The following PLAG1 variants were observed in gnomAD, a reference collection of about 807,000 sequenced individuals.
PLAG1 encodes zinc finger protein PLAG1.
PLAG1 carries 7 observed loss-of-function variants against 35.5 expected under a neutral mutation model. That is an observed-to-expected ratio of 0.20 (90% CI 0.11 to 0.37). The LOEUF (loss-of-function observed/expected upper bound fraction) is 0.37. Ranked by LOEUF, PLAG1 falls within the 10% of genes least tolerant of loss-of-function variation. The probability of loss-of-function intolerance (pLI) is 1.00; values close to 1 mark genes in which losing one functional copy is unlikely to be tolerated. For missense variants in PLAG1, 454 were observed against 602.8 expected (o/e 0.75, Z 2.58); for synonymous variants, 229 against 225.4 (o/e 1.02, Z -0.14).
Position 56,166,000 on chromosome 8 carries a change from A to G in PLAG1, c.*243T>C, listed in dbSNP as rs1462840082. 3.6e-6 allele frequency: 1 copy of G among 280,396 alleles called. No individual in the cohort carries two copies. The highest frequency in any genetic ancestry group is 6.7e-6 in the Non-Finnish European group (1 of 150,000). 17.4% of individuals were successfully genotyped at this position (280,396 alleles called of 1,614,324 possible). A position where few individuals can be genotyped will look rare whatever the true frequency, so the allele number is the denominator to read the frequency against. On this transcript the variant is annotated 3_prime_UTR_variant, in exon 5 of 5. Coordinates refer to ENST00000316981, the MANE Select transcript of PLAG1 (RefSeq NM_002655.3). Reference sequence around the variant, plus strand: ...ATGGCTTTCCTATATGGAAAAAAAAAAGTCTTAAAATGTGACAATTGGCAG... The same window carrying G: ...ATGGCTTTCCTATATGGAAAAAAAAGAGTCTTAAAATGTGACAATTGGCAG...
intron 1 of PLAG1, among the ~76,000 whole-genome samples, chr8:56,183,749 C>T (rs1811939249): frequency 6.6e-6 from 1 of 151,076 alleles, no homozygotes; most frequent in Admixed American, 6.6e-5. Context: ...GTTTTTTTAA[C>T]AAATGCTGCT....
chr8:56,210,057 T>C (rs931007934), intron 1 of PLAG1, among the ~76,000 whole-genome samples: 9 of 151,966 alleles, frequency 5.9e-5, no homozygotes, highest in African/African-American at 1.9e-4. Context: ...CACTACCACC[T>C]CCCCCCTCGC....
At position 56,164,142 on chromosome 8, in the gene PLAG1, T is replaced by C. The variant is rs1811285511; in HGVS notation, c.*2101A>G. 1 of 187,682 alleles carries C rather than the reference T, an allele frequency of 5.3e-6. No homozygotes were observed. Among genetic ancestry groups the C allele is most frequent in the Non-Finnish European group, 1.1e-5 (1 of 88,698 alleles). The allele number at this position is 187,682 out of a possible 1,614,324, so 11.6% of individuals were successfully genotyped here. On this transcript the variant is annotated 3_prime_UTR_variant, in exon 5 of 5. Coordinates refer to ENST00000316981, the MANE Select transcript of PLAG1 (RefSeq NM_002655.3). Reference sequence around the variant, plus strand: ...GTACTTCCTTATTAACATATATAATTTTAATGCCTTTGGAACACACTTTTT... The same window carrying C: ...GTACTTCCTTATTAACATATATAATCTTAATGCCTTTGGAACACACTTTTT...
At chr8:56,175,246 T>G (rs1811650343) in intron 2 of PLAG1, among the ~76,000 whole-genome samples, 1 of 152,200 alleles carries the variant, frequency 6.6e-6, no homozygotes, top group African/African-American at 2.4e-5. Context: ...AATCAACTAA[T>G]ACAAGTAGAT....
At chr8:56,206,021 A>G (rs1186436900) in intron 1 of PLAG1, among the ~76,000 whole-genome samples, 2 of 151,998 alleles carry the variant, frequency 1.3e-5, no homozygotes, top group African/African-American at 4.8e-5. Context: ...TACCTTTTTA[A>G]AAAAATAAGA....
Position 56,166,297 on chromosome 8 carries a change from G to A in PLAG1, c.1449C>T (p.Thr483=), listed in dbSNP as rs1563372060. Residue 483 remains threonine, a synonymous_variant, in exon 5 of 5, where the codon ACC becomes ACT. Coordinates refer to ENST00000316981, the MANE Select transcript of PLAG1 (RefSeq NM_002655.3). ...GGGTGGTACTTGTGCTTAAACTGCT[G>A]GTGAAAGCTGCTGACAGTGAGTGCA... ...GSLHSLSAAF[T]SSLSTSTTLP... 1 of 1,611,612 alleles carries A rather than the reference G, an allele frequency of 6.2e-7. No individual in the cohort carries two copies. Among genetic ancestry groups the A allele is most frequent in the African/African-American group, 1.3e-5 (1 of 74,752 alleles).
rs946620783 is a variant in PLAG1 at position 56,163,104 on chromosome 8, G to A, written c.*3139C>T. 2.4e-5 allele frequency: 5 copies of A among 208,970 alleles called. No individual in the cohort carries two copies. The highest frequency in any genetic ancestry group is 4.6e-5 in the African/African-American group (2 of 43,800). The allele number at this position is 208,970 out of a possible 1,614,324, so 12.9% of individuals were successfully genotyped here. On this transcript the variant is annotated 3_prime_UTR_variant, in exon 5 of 5. Coordinates refer to ENST00000316981, the MANE Select transcript of PLAG1 (RefSeq NM_002655.3). ...AAGATCCTTCCACACTCACACTTCC[G>A]TGTTTGGTGACCTAACTTGTACATA... is the stretch of plus-strand genomic sequence containing the variant.
chr8:56,190,543 G>C (rs949999693), intron 1 of PLAG1, among the ~76,000 whole-genome samples: 2 of 152,180 alleles, frequency 1.3e-5, no homozygotes, highest in Admixed American at 1.3e-4. Context: ...GGTGAGGAAG[G>C]AGTGCTGCAT....
At chr8:56,209,606 AG>A (rs1319529437) in intron 1 of PLAG1, 1 of 152,298 alleles carries the variant, frequency 6.6e-6, no homozygotes, top group Non-Finnish European at 1.5e-5. Context: ...ATGTGATGCA[AG>A]AGACATCATC....
rs1405590083 is a variant in PLAG1, at chr8:56,164,348, T to C, written c.*1895A>G. ...TGTGTGTGTGTGTGTATTATATATATATATTGAAGCCCCCATTTACATTAT... is the reference window on the plus strand; with the variant it reads ...TGTGTGTGTGTGTGTATTATATATACATATTGAAGCCCCCATTTACATTAT... On this transcript the variant is annotated 3_prime_UTR_variant, in exon 5 of 5. Transcript: ENST00000316981. 2.3e-5 allele frequency: 5 copies of C among 218,550 alleles called. No individual in the cohort carries two copies. The highest frequency in any genetic ancestry group is 4.6e-5 in the Non-Finnish European group (5 of 108,554). 13.5% of individuals were successfully genotyped at this position (218,550 alleles called of 1,614,324 possible). A position where few individuals can be genotyped will look rare whatever the true frequency, so the allele number is the denominator to read the frequency against.
intron 1 of PLAG1, among the ~76,000 whole-genome samples, chr8:56,194,700 C>A (rs904157770): frequency 6.6e-6 from 1 of 151,934 alleles, no homozygotes; most frequent in African/African-American, 2.4e-5. Context: ...CATCATGAAA[C>A]CTTTGCCAAA....
chr8:56,172,257 T>G (rs1811551643), intron 2 of PLAG1, among the ~76,000 whole-genome samples: 1 of 152,196 alleles, frequency 6.6e-6, no homozygotes, highest in African/African-American at 2.4e-5. Context: ...CATTCAAGCA[T>G]CATTATAAAA....
At chr8:56,192,526 A>G (rs543684847) in intron 1 of PLAG1, among the ~76,000 whole-genome samples, 15 of 152,366 alleles carry the variant, frequency 9.8e-5, no homozygotes, top group African/African-American at 3.6e-4. Flanking sequence ...ATACAAAACA[A>G]AGATCCCAAT....
intron 1 of PLAG1, among the ~76,000 whole-genome samples, chr8:56,204,577 T>C (rs1236809077): frequency 6.6e-6 from 1 of 151,926 alleles, no homozygotes; most frequent in Non-Finnish European, 1.5e-5. Context: ...TCCAAAAATG[T>C]ATTTTAAAGT....
Position 56,161,311 on chromosome 8 carries a change from AT to A in PLAG1, c.*4931del. ...ATACAAAATTCGGCCTGGAATGCAG[AT>A]TTTTTTCTTTTCTATTTTGACTCAA... On this transcript the variant is annotated 3_prime_UTR_variant, in exon 5 of 5. Transcript: ENST00000316981. 1 of 210,094 alleles carries A rather than the reference AT, an allele frequency of 4.8e-6. No homozygotes were observed. Among genetic ancestry groups the A allele is most frequent in the Non-Finnish European group, 9.7e-6 (1 of 103,134 alleles). 13.0% of individuals were successfully genotyped at this position (210,094 alleles called of 1,614,324 possible).
In PLAG1 at chr8:56,166,615, C is replaced by A. The variant is rs1250181997; in HGVS notation, c.1131G>T (p.Ser377=). Residue 377 remains serine (S), a synonymous_variant, in exon 5 of 5, where the codon TCG becomes TCT. Transcript: ENST00000316981. ...VPSSSQDSQA[S]SSSKLGLDPQ... ...GATCCAACCCTAGCTTAGATGATGACGATGCTTGAGAATCTTGGGATGAAG... is the reference window on the plus strand; with the variant it reads ...GATCCAACCCTAGCTTAGATGATGAAGATGCTTGAGAATCTTGGGATGAAG... 1 of 1,613,884 alleles carries A rather than the reference C, an allele frequency of 6.2e-7. No homozygotes were observed. The highest frequency in any genetic ancestry group is 8.5e-7 in the Non-Finnish European group (1 of 1,179,958).
intron 1 of PLAG1, among the ~76,000 whole-genome samples, chr8:56,180,641 G>C (rs1811837983): frequency 6.6e-6 from 1 of 152,156 alleles, no homozygotes; most frequent in South Asian, 2.1e-4. Flanking sequence ...GTTAATTTTT[G>C]TATAAGGTGT....
In PLAG1 at chr8:56,167,083, T is replaced by C. The variant is rs762793975; in HGVS notation, c.663A>G (p.Arg221=). 5.6e-6 allele frequency: 9 copies of C among 1,613,974 alleles called. No individual in the cohort carries two copies. Among genetic ancestry groups the C allele is most frequent in the African/African-American group, 1.3e-5 (1 of 74,912 alleles). ...KDFLCQYCAQ[R]FGRKDHLTRH... is the part of the protein sequence containing the mutation. ...GAGTCAGGTGATCCTTTCGCCCAAATCTCTGTGCACAATACTGACAGAGGA... is the reference window on the plus strand; with the variant it reads ...GAGTCAGGTGATCCTTTCGCCCAAACCTCTGTGCACAATACTGACAGAGGA... The change falls in exon 5 of 5, where the codon AGA becomes AGG. Residue 221 remains arginine, a synonymous_variant. Coordinates refer to ENST00000316981, the MANE Select transcript of PLAG1 (RefSeq NM_002655.3). The surrounding 1 kb of genome is among the most constrained non-coding windows in gnomAD (Gnocchi z 5.9).
intron 1 of PLAG1, among the ~76,000 whole-genome samples, chr8:56,187,746 G>A (rs1002897186): frequency 1.3e-5 from 2 of 148,248 alleles, no homozygotes; most frequent in South Asian, 4.3e-4. Flanking sequence ...CTGAGAACAA[G>A]GCTCATATAT....
Sources: allele counts gnomAD v4.1 joint callset (sites outside exome capture counted in the v4.1 genomes callset), GRCh38; gene constraint gnomAD v4.1.1; non-coding constraint Gnocchi (gnomAD v3.1); transcripts MANE v1.5; gene names NCBI Gene and HGNC (gene_info 2026-07-23, HGNC 2026-07-21).